BTRC: variants seen among roughly 807,000 people sequenced by gnomAD.
BTRC encodes F-box/WD repeat-containing protein 1A.
BTRC carries 42 observed loss-of-function variants against 85.5 expected under a neutral mutation model. The ratio of observed to expected loss-of-function variants is 0.49; its 90% CI spans 0.38 to 0.64. The LOEUF (loss-of-function observed/expected upper bound fraction) is 0.64, where lower values mean the gene tolerates loss of function less well. Ranked by LOEUF, BTRC falls within the 30% of genes least tolerant of loss-of-function variation. The probability of loss-of-function intolerance (pLI) is 0.00; values close to 1 mark genes in which losing one functional copy is unlikely to be tolerated. For synonymous variants in BTRC, 255 were observed against 263.3 expected (o/e 0.97, Z 0.30); for missense variants, 594 against 743.5 (o/e 0.80, Z 2.34).
At chr10:101,456,159 ACT>A (rs1211181639) in intron 2 of BTRC, among the ~76,000 whole-genome samples, 2 of 133,036 alleles carry the variant, frequency 1.5e-5, no homozygotes, top group African/African-American at 5.1e-5. Flanking sequence ...ACAGAACGAG[ACT>A]CTGTTTCAAA....
At chr10:101,528,665 G>A (rs550621384) in intron 6 of BTRC, among the ~76,000 whole-genome samples, 1 of 152,004 alleles carries the variant, frequency 6.6e-6, no homozygotes, top group East Asian at 1.9e-4. Context: ...GTTTTTACAT[G>A]TTGACTTTAT....
At position 101,391,325 on chromosome 10, in the gene BTRC, T is replaced by C. The variant is rs188183263; in HGVS notation, c.48+37097T>C. Among the ~76,000 whole-genome samples the C allele has an allele frequency of 3.4e-3, 519 of 152,328 alleles. 3 individuals are homozygous for C. The highest frequency in any genetic ancestry group is 0.012 in the African/African-American group (499 of 41,582). ...TTTTGAAATTTATTACTTTGGAATA[T>C]ATAAAGTTTGGTCATCTTTGGAAGT... On this transcript the variant is annotated intron_variant, in intron 1 of 14. Transcript: ENST00000370187.
intron 1 of BTRC, among the ~76,000 whole-genome samples, chr10:101,387,677 C>T (rs1349476892): frequency 6.6e-6 from 1 of 151,072 alleles, no homozygotes; most frequent in Non-Finnish European, 1.5e-5. Flanking sequence ...CAGGTGCCCA[C>T]CACCACACCC....
intron 2 of BTRC, among the ~76,000 whole-genome samples, chr10:101,457,079 TAGTA>T (rs912871736): frequency 5.9e-5 from 9 of 152,234 alleles, no homozygotes; most frequent in East Asian, 1.9e-4. Flanking sequence ...AAATTAGTCA[TAGTA>T]AGAGATTAAC....
At chr10:101,367,101 C>T (rs770603527) in intron 1 of BTRC, among the ~76,000 whole-genome samples, 3 of 125,266 alleles carry the variant, frequency 2.4e-5, no homozygotes, top group Non-Finnish European at 3.2e-5. Flanking sequence ...GCTAGAGTCT[C>T]GCTCTGTCGC....
chr10:101,526,036 G>A lies in BTRC; in HGVS notation c.580G>A (p.Glu194Lys). The change falls in exon 6 of 15, where the codon GAG becomes AAG. Residue 194 changes from glutamate (E) to lysine (K), a missense_variant. Glu to Lys is a moderately conservative substitution (Grantham distance 56). Transcript: ENST00000370187. ...LPARGLDHIA[E>K]NILSYLDAKS... ...AGCTCGGGGATTGGATCATATTGCT[G>A]AGAACATTCTGTCATACCTGGATGC... 1 of 1,614,128 alleles carries A rather than the reference G, an allele frequency of 6.2e-7. No homozygotes were observed. The highest frequency in any genetic ancestry group is 8.5e-7 in the Non-Finnish European group (1 of 1,180,034).
At chr10:101,460,304 A>G (rs1945191203) in intron 2 of BTRC, among the ~76,000 whole-genome samples, 1 of 151,922 alleles carries the variant, frequency 6.6e-6, no homozygotes. Flanking sequence ...TTTGTTTGAT[A>G]CTCTTACATA....
chr10:101,446,104 C>G (rs1224443302), intron 2 of BTRC, among the ~76,000 whole-genome samples: 1 of 119,986 alleles, frequency 8.3e-6, no homozygotes, highest in Non-Finnish European at 1.7e-5. Flanking sequence ...GTTCTCTTCC[C>G]CCCCCACCCC....
rs140903083 is a variant in BTRC, at chr10:101,436,070, A to G, written c.156+5618A>G. The stretch of plus-strand genomic sequence containing the variant: ...ATGCTGAAAAAAGTTGTTAGAATAA[A>G]TTCTATGGGGATATGTTTAGTTTGA... On this transcript the variant is annotated intron_variant, in intron 2 of 14. Transcript: ENST00000370187. Among the ~76,000 whole-genome samples, 43 of 152,298 alleles carry G rather than the reference A, an allele frequency of 2.8e-4. 1 individual carries two copies. The Middle Eastern group carries it at 0.01, about 36-fold the overall frequency.
intron 1 of BTRC, among the ~76,000 whole-genome samples, chr10:101,360,166 T>C (rs1331930870): frequency 6.6e-6 from 1 of 152,078 alleles, no homozygotes; most frequent in Non-Finnish European, 1.5e-5. Flanking sequence ...GCAATTCTTG[T>C]GCCTCAGCCT....
In BTRC at chr10:101,536,626, A is replaced by G. The variant is rs955739118; in HGVS notation, c.1550A>G (p.Lys517Arg). ...GTGCGTTGTATTCGATTTGATAACA[A>G]GAGGATAGTCAGTGGGGCCTATGAT... ...ELVRCIRFDN[K>R]RIVSGAYDGK... The change falls in exon 12 of 15, where the codon AAG (lysine) becomes AGG (arginine). Residue 517 changes from lysine to arginine, a missense_variant. Around this residue, in one of 4 missense-constraint regions of BTRC, gnomAD observed 373 missense variants for 503.6 expected, o/e 0.74. Transcript: ENST00000370187. 3 of 1,613,648 alleles carry G rather than the reference A, an allele frequency of 1.9e-6. No individual in the cohort carries two copies. The highest frequency in any genetic ancestry group is 1.7e-6 in the Non-Finnish European group (2 of 1,179,584).
At chr10:101,459,221 G>A (rs1247756182) in intron 2 of BTRC, among the ~76,000 whole-genome samples, 1 of 152,078 alleles carries the variant, frequency 6.6e-6, no homozygotes, top group African/African-American at 2.4e-5. Context: ...TAGCTTATTG[G>A]GAATCCTCAT....
intron 1 of BTRC, among the ~76,000 whole-genome samples, chr10:101,397,268 C>A (rs1943388115): frequency 1.3e-5 from 2 of 152,098 alleles, no homozygotes; most frequent in Non-Finnish European, 2.9e-5. Flanking sequence ...GTTGTTATGG[C>A]AACTCAAATG....
chr10:101,461,942 G>A (rs745877690), intron 2 of BTRC, 39 bp from the exon 3 acceptor site: 3 of 1,430,476 alleles, frequency 2.1e-6, no homozygotes, highest in South Asian at 1.2e-5. Context: ...TAAGATTGAA[G>A]ATAATGAGAA....
At chr10:101,369,474 A>G (rs763961115) in intron 1 of BTRC, among the ~76,000 whole-genome samples, 4 of 152,092 alleles carry the variant, frequency 2.6e-5, no homozygotes, top group African/African-American at 7.2e-5. Context: ...TTTTGGTGTC[A>G]TTGAGCATTT....
intron 4 of BTRC, among the ~76,000 whole-genome samples, chr10:101,495,628 C>G (rs1296064159): frequency 1.3e-5 from 2 of 152,074 alleles, no homozygotes; most frequent in Non-Finnish European, 2.9e-5. Flanking sequence ...TCTTCTGTGG[C>G]AAAAATTTAA....
intron 10 of BTRC, 61 bp from the exon 11 acceptor site, chr10:101,535,293 T>A: frequency 3.9e-6 from 5 of 1,271,978 alleles, no homozygotes; most frequent in Non-Finnish European, 4.6e-6. Context: ...AGACTCCATT[T>A]GCCATAGATT....
chr10:101,488,617 T>C (rs1342592413), intron 4 of BTRC, among the ~76,000 whole-genome samples: 1 of 152,196 alleles, frequency 6.6e-6, no homozygotes, highest in Non-Finnish European at 1.5e-5. Context: ...GGAAAGTATA[T>C]GAAGCCATCA....
At chr10:101,447,884 C>CT (rs35502696) in intron 2 of BTRC, among the ~76,000 whole-genome samples, 1 of 151,852 alleles carries the variant, frequency 6.6e-6, no homozygotes, top group African/African-American at 2.4e-5. Flanking sequence ...TTGTTTATCA[C>CT]TTTTTTTCTT....
Sources: gnomAD v4.1 joint callset for allele counts (sites outside exome capture counted in the v4.1 genomes callset) on GRCh38, gnomAD v4.1.1 for gene constraint, gnomAD v4.1.1 regional missense constraint, MANE v1.5 for transcripts, NCBI Gene and HGNC (gene_info 2026-07-23, HGNC 2026-07-21) for gene names.